Variants in TADA3 observed in about 807,000 individuals in gnomAD.
TADA3 encodes transcriptional adapter 3.
TADA3 carries 25 observed loss-of-function variants against 43.2 expected under a neutral mutation model. The observed-to-expected ratio is 0.58, with a 90% CI of 0.42 to 0.81. The LOEUF is 0.81. TADA3 is among the 30% of genes least tolerant of loss of function. TADA3 has a pLI of 0.00. For synonymous variants in TADA3, 235 were observed against 225.5 expected, an observed-to-expected ratio of 1.04 and a Z score of -0.38; for missense variants, 441 against 567.8, an observed-to-expected ratio of 0.78 and a Z score of 2.27.
chr3:9,787,829 A>AATTTC, intron 4 of TADA3: 3 of 745,254 alleles, frequency 4.0e-6, no homozygotes, highest in Non-Finnish European at 6.0e-6. Context: ...GGGAATCTGA[A>AATTTC]AGAGTGCTTT....
intron 2 of TADA3, among the ~76,000 whole-genome samples, chr3:9,790,671 T>G (rs1235946599): frequency 6.6e-6 from 1 of 152,124 alleles, no homozygotes; most frequent in Non-Finnish European, 1.5e-5. Context: ...TCTGAAGTAC[T>G]TACTTAGTGT....
At chr3:9,785,585 G>T (rs1200928597) in intron 6 of TADA3, among the ~76,000 whole-genome samples, 160 bp from the exon 7 acceptor site, 1 of 152,138 alleles carries the variant, frequency 6.6e-6, no homozygotes, top group African/African-American at 2.4e-5. Flanking sequence ...AAATTGCTTT[G>T]ATCATTCTAG....
chr3:9,786,950 A>T, intron 6 of TADA3, 56 bp downstream of exon 6: 1 of 1,475,992 alleles, frequency 6.8e-7, no homozygotes, highest in South Asian at 1.2e-5. Flanking sequence ...AAAAATAAGC[A>T]TAACACATTA....
chr3:9,784,837 C>A (rs1450419136), intron 7 of TADA3, among the ~76,000 whole-genome samples: 1 of 148,502 alleles, frequency 6.7e-6, no homozygotes, highest in Non-Finnish European at 1.5e-5. Context: ...GCGCTCCAAC[C>A]TAAACGACAA....
At chr3:9,783,312 G>A (rs1367722552) in intron 8 of TADA3, 5 of 151,482 alleles carry the variant, frequency 3.3e-5, no homozygotes, top group African/African-American at 1.2e-4. Context: ...GTTAAGAAGC[G>A]TAAATTTTTT....
In TADA3 at chr3:9,789,914, A is replaced by G; in HGVS notation, c.257T>C (p.Leu86Pro). ...DKKGDRRFLK[L>P]GRDHELGAPP... ...AGCTCCAAGTTCATGGTCTCGACCC[A>G]GCTTCAGGAATCGTCTGTCACCTTT... Residue 86 changes from leucine to proline, a missense_variant, in exon 3 of 9, where the codon CTG (leucine) becomes CCG (proline). By Grantham distance (98) the Leu-to-Pro change is moderately conservative (BLOSUM62 -3). Transcript: ENST00000301964. The G allele has an allele frequency of 6.2e-7, 1 of 1,612,690 alleles. No individual in the cohort carries two copies. The highest frequency in any genetic ancestry group is 8.5e-7 in the Non-Finnish European group (1 of 1,179,606).
rs755530904 is a variant in TADA3, at chr3:9,780,434, G to C, written c.1222C>G (p.Pro408Ala). ...IMAARQKKRTPTKKEKDQAWK... is the reference protein window; with the variant it reads ...IMAARQKKRTATKKEKDQAWK... The stretch of plus-strand genomic sequence containing the variant: ...GCCTGGTCCTTTTCTTTCTTGGTGG[G>C]AGTCCGCTTCTTCTGCCGGGCAGCC... The change falls in exon 9 of 9, where the codon CCC (proline) becomes GCC (alanine). Residue 408 changes from proline (P) to alanine (A), a missense_variant. Coordinates refer to ENST00000301964, the MANE Select transcript of TADA3 (RefSeq NM_006354.5). 6.2e-7 allele frequency: 1 copy of C among 1,611,388 alleles called. No individual in the cohort carries two copies. The highest frequency in any genetic ancestry group is 8.5e-7 in the Non-Finnish European group (1 of 1,179,264).
chr3:9,781,507 T>C (rs987482611), intron 8 of TADA3: 8 of 456,282 alleles, frequency 1.8e-5, no homozygotes, highest in African/African-American at 4.0e-5. Context: ...AACACTGTTG[T>C]TTCAGGTGTT....
chr3:9,786,259 G>C (rs2078607702), intron 6 of TADA3, among the ~76,000 whole-genome samples: 1 of 152,124 alleles, frequency 6.6e-6, no homozygotes, highest in African/African-American at 2.4e-5. Flanking sequence ...TATTCTGTGG[G>C]ACTGGAGTGA....
chr3:9,781,028 C>T (rs2078447865), intron 8 of TADA3, among the ~76,000 whole-genome samples: 2 of 151,886 alleles, frequency 1.3e-5, no homozygotes, highest in South Asian at 4.1e-4. Flanking sequence ...GTCCCAACTC[C>T]AAGGGAGCTG....
intron 8 of TADA3, 102 bp from the exon 9 acceptor site, chr3:9,780,651 C>T: frequency 1.6e-6 from 2 of 1,260,734 alleles, no homozygotes; most frequent in Admixed American, 2.5e-5. Flanking sequence ...GCTGGCATGC[C>T]TGTGGATTGT....
intron 2 of TADA3, among the ~76,000 whole-genome samples, chr3:9,790,583 C>G (rs770536124): frequency 6.6e-6 from 1 of 152,196 alleles, no homozygotes; most frequent in Non-Finnish European, 1.5e-5. Context: ...TTGCAGAATA[C>G]AGCATAGCGC....
chr3:9,780,222 A>G lies in TADA3; in HGVS notation c.*135T>C. ...GAGCTAGGCCAAAAGACCTCAGGGG[A>G]AGGGCCACGGCCCTCTAGAGACTGC... On this transcript the variant is annotated 3_prime_UTR_variant, in exon 9 of 9. Coordinates refer to ENST00000301964, the MANE Select transcript of TADA3 (RefSeq NM_006354.5). 1.1e-6 allele frequency: 1 copy of G among 902,226 alleles called. No homozygotes were observed. Among genetic ancestry groups the G allele is most frequent in the Non-Finnish European group, 1.6e-6 (1 of 607,438 alleles). 55.9% of individuals were successfully genotyped at this position (902,226 alleles called of 1,614,324 possible). A position where few individuals can be genotyped will look rare whatever the true frequency, so the allele number is the denominator to read the frequency against.
intron 4 of TADA3, among the ~76,000 whole-genome samples, chr3:9,788,838 C>A (rs942621373): frequency 7.0e-6 from 1 of 143,040 alleles, no homozygotes; most frequent in African/African-American, 2.6e-5. Flanking sequence ...ACTTTTATAT[C>A]TTTTTTTTTT....
At position 9,785,361 on chromosome 3, in the gene TADA3, G is replaced by C. The variant is rs540503107; in HGVS notation, c.875C>G (p.Ala292Gly). ...IPDMSGKESG[A>G]DGASTSPRNQ... ...GCGAGGGGAGGTGCTTGCCCCGTCA[G>C]CCCCTGATTCTTTCCCAGACATGTC... The change falls in exon 7 of 9, where the codon GCT becomes GGT. Residue 292 changes from alanine (A) to glycine (G), a missense_variant. Physicochemically the swap from Ala to Gly is moderately conservative, Grantham distance 60. Transcript: ENST00000301964. 6.8e-6 allele frequency: 11 copies of C among 1,614,108 alleles called. No individual in the cohort carries two copies. In the South Asian group the frequency reaches 1.2e-4, roughly 18 times the overall value.
chr3:9,784,039 G>A lies in TADA3; in HGVS notation c.1095C>T (p.His365=), dbSNP rs144423650. ...CTGCTAACGCTCACCTCAGCAGGTC[G>A]TGCTTCTTGGTGCGGTTGTGGGCAC... ...ALSAHNRTKK[H]DLLRLAKEEV... The change falls in exon 8 of 9, where the codon CAC becomes CAT. Residue 365 remains histidine (H), a synonymous_variant. Coordinates refer to ENST00000301964, the MANE Select transcript of TADA3 (RefSeq NM_006354.5). The A allele has an allele frequency of 9.9e-6, 16 of 1,613,756 alleles. No individual in the cohort carries two copies. The African/African-American group carries it at 1.1e-4, about 11-fold the overall frequency.
chr3:9,781,656 C>T (rs1390417603), intron 8 of TADA3: 9 of 435,800 alleles, frequency 2.1e-5, no homozygotes, highest in East Asian at 7.3e-5. Context: ...TACATTTCAT[C>T]GATGGTGGAG....
intron 4 of TADA3, chr3:9,787,870 A>T: frequency 2.2e-6 from 1 of 449,400 alleles, no homozygotes; most frequent in Middle Eastern, 3.5e-4. Context: ...AGGGCCTTGA[A>T]GGGTGAGTCA....
At chr3:9,782,320 A>AG (rs2078494929) in intron 8 of TADA3, among the ~76,000 whole-genome samples, 2 of 152,156 alleles carry the variant, frequency 1.3e-5, no homozygotes, top group Non-Finnish European at 2.9e-5. Flanking sequence ...CTGTTTATTG[A>AG]CTGTGTGACC....
Sources: allele counts gnomAD v4.1 joint callset (sites outside exome capture counted in the v4.1 genomes callset), GRCh38; gene constraint gnomAD v4.1.1; transcripts MANE v1.5; gene names NCBI Gene and HGNC (gene_info 2026-07-23, HGNC 2026-07-21).